The following ZNF69 variants were observed in gnomAD, a reference collection of about 807,000 sequenced individuals.
ZNF69 encodes ZNF3.
Under a neutral mutation model 50.9 loss-of-function variants are expected in ZNF69, and 47 were observed. That is an observed-to-expected ratio of 0.92 (90% CI 0.73 to 1.18). ZNF69 has a LOEUF of 1.18. Ranked by LOEUF, ZNF69 falls within the 50% of genes most tolerant of loss-of-function variation. ZNF69 has a pLI of 0.00. For missense variants in ZNF69, 717 were observed against 675.1 expected (o/e 1.06, Z -0.69); for synonymous variants, 216 against 223.1 (o/e 0.97, Z 0.29).
chr19:11,901,277 G>T (rs1972238133), intron 1 of ZNF69, among the ~76,000 whole-genome samples: 1 of 152,074 alleles, frequency 6.6e-6, no homozygotes, highest in African/African-American at 2.4e-5. Flanking sequence ...AATTTATTGA[G>T]CATTTTTAAT....
the ZNF69 span, chr19:11,977,126 A>G: frequency 6.2e-7 from 1 of 1,614,164 alleles, no homozygotes; most frequent in Non-Finnish European, 8.5e-7. Context: ...CTCTACAGGG[A>G]AGTGATGCTG....
chr19:11,974,131 TTTCTTTCTTTCTTTCTTTCTTTCTTTCC>T, the ZNF69 span, among the ~76,000 whole-genome samples: 1 of 95,366 alleles, frequency 1.0e-5, no homozygotes, highest in African/African-American at 5.2e-5. Flanking sequence ...CTTTCTTTTC[TTTCTTTCTTTCTTTCTTTCTTTCTTTCC>T]TTCCTTCCTT....
chr19:11,954,989 CA>C, the ZNF69 span, among the ~76,000 whole-genome samples: 121 of 134,118 alleles, frequency 9.0e-4, no homozygotes, highest in African/African-American at 1.6e-3. Context: ...GAGTTTGTTT[CA>C]AAAAAATTTT....
chr19:11,965,707 G>A, the ZNF69 span, among the ~76,000 whole-genome samples: 1 of 152,236 alleles, frequency 6.6e-6, no homozygotes, highest in Non-Finnish European at 1.5e-5. Flanking sequence ...AACTGAAAAA[G>A]CCAAACAATG....
chr19:11,978,367 A>C, the ZNF69 span: 2 of 1,614,234 alleles, frequency 1.2e-6, no homozygotes, highest in Non-Finnish European at 1.7e-6. Flanking sequence ...AAGTGTCAAC[A>C]ACCTAAGAAA....
the ZNF69 span, among the ~76,000 whole-genome samples, chr19:11,935,369 T>C: frequency 6.7e-6 from 1 of 149,758 alleles, no homozygotes; most frequent in Admixed American, 6.7e-5. Flanking sequence ...CCAGAGTAGG[T>C]GGGATTATAG....
At chr19:11,928,450 G>GTAGTCTTACTACAGAGATCA in the ZNF69 span, among the ~76,000 whole-genome samples, 1 of 151,992 alleles carries the variant, frequency 6.6e-6, no homozygotes, top group African/African-American at 2.4e-5. Flanking sequence ...AGTAGTCTCT[G>GTAGTCTTACTACAGAGATCA]GGCCGGGCGC....
the ZNF69 span, among the ~76,000 whole-genome samples, chr19:11,965,516 TG>T: frequency 6.6e-6 from 1 of 152,204 alleles, no homozygotes; most frequent in African/African-American, 2.4e-5. Flanking sequence ...GAGAGGGTCA[TG>T]GGGGAAATCC....
downstream of ZNF69, among the ~76,000 whole-genome samples, chr19:11,916,695 A>G (rs547017482): frequency 2.8e-4 from 43 of 152,318 alleles, 1 homozygote; most frequent in South Asian, 8.7e-3. Flanking sequence ...ATTTTGACTA[A>G]AGATCACTAA....
exon 5 of ZNF69, chr19:11,914,094 G>A (rs1972497664): frequency 6.6e-6 from 1 of 152,100 alleles, no homozygotes; most frequent in Non-Finnish European, 1.5e-5. Flanking sequence ...AGCACTTTGG[G>A]AGGCCGAGGT....
the ZNF69 span, among the ~76,000 whole-genome samples, chr19:11,944,559 G>A: frequency 6.6e-6 from 1 of 152,202 alleles, no homozygotes; most frequent in Non-Finnish European, 1.5e-5. Flanking sequence ...CTAGGAATAA[G>A]ATCTTGAAGA....
intron 1 of ZNF69, among the ~76,000 whole-genome samples, chr19:11,894,316 C>T (rs1977170280): frequency 1.3e-5 from 2 of 152,054 alleles, no homozygotes; most frequent in Admixed American, 6.6e-5. Flanking sequence ...ACTACAGGAG[C>T]CTTTTAGTAG....
the ZNF69 span, among the ~76,000 whole-genome samples, chr19:11,923,097 A>G: frequency 6.6e-6 from 1 of 152,218 alleles, no homozygotes; most frequent in South Asian, 2.1e-4. Context: ...GATTGCAGGC[A>G]TGAGCCATGG....
the ZNF69 span, among the ~76,000 whole-genome samples, chr19:11,977,777 G>A: frequency 6.6e-6 from 1 of 152,130 alleles, no homozygotes; most frequent in Non-Finnish European, 1.5e-5. Flanking sequence ...GATCACTCAA[G>A]CCCCCAGGAG....
the ZNF69 span, chr19:11,947,172 A>G: frequency 1.4e-5 from 22 of 1,612,808 alleles, no homozygotes; most frequent in Admixed American, 2.2e-4. Flanking sequence ...CACATGTGAG[A>G]TGTTTCAGGA....
chr19:11,978,160 A>T, the ZNF69 span: 7 of 1,613,926 alleles, frequency 4.3e-6, no homozygotes, highest in Non-Finnish European at 5.9e-6. Context: ...GAAGACAGTC[A>T]TTGTGGAGAA....
chr19:11,895,286 T>C (rs1436388935), intron 1 of ZNF69, among the ~76,000 whole-genome samples: 2 of 152,164 alleles, frequency 1.3e-5, no homozygotes. Flanking sequence ...TCCCAGGAGA[T>C]GAGGGCAGCA....
At chr19:11,962,716 T>C in the ZNF69 span, among the ~76,000 whole-genome samples, 1,080 of 152,268 alleles carry the variant, frequency 7.1e-3, 20 homozygotes, top group African/African-American at 0.025. Flanking sequence ...TTGGTATCTA[T>C]AGAGCAGTTA....
intron 4 of ZNF69, among the ~76,000 whole-genome samples, chr19:11,912,270 G>C (rs982485437): frequency 2.0e-5 from 3 of 152,158 alleles, no homozygotes; most frequent in Admixed American, 2.0e-4. Flanking sequence ...GCACAGAGGA[G>C]AGAAGCTCTG....
Sources: allele counts gnomAD v4.1 joint callset (sites outside exome capture counted in the v4.1 genomes callset), GRCh38; gene constraint gnomAD v4.1.1; transcripts MANE v1.5; gene names NCBI Gene and HGNC (gene_info 2026-07-23, HGNC 2026-07-21).